Variants in PDCD6IP observed in about 807,000 individuals in gnomAD.
PDCD6IP encodes the protein programmed cell death 6 interacting protein.
Under a neutral mutation model 103.7 loss-of-function variants are expected in PDCD6IP, and 43 were observed. That is an observed-to-expected ratio of 0.41 (90% CI 0.32 to 0.53). The LOEUF (loss-of-function observed/expected upper bound fraction) is 0.53, where lower values mean the gene tolerates loss of function less well. Among genes scored for constraint, PDCD6IP ranks in the 20% least tolerant of loss-of-function variants. The probability of loss-of-function intolerance (pLI) is 0.16; values close to 1 mark genes in which losing one functional copy is unlikely to be tolerated. For missense variants in PDCD6IP, 871 were observed against 1,036.7 expected, an observed-to-expected ratio of 0.84 and a Z score of 2.20; for synonymous variants, 354 against 378.7, an observed-to-expected ratio of 0.93 and a Z score of 0.76.
chr3:33,869,234 G>C lies in PDCD6IP; in HGVS notation c.*2709G>C, dbSNP rs1481521670. Reference sequence around the variant, plus strand: ...AGGATAATTTGTTAAGTGGGTTTCAGTTTGCTAATAGGGATTTTTTGTGTT... The same window carrying C: ...AGGATAATTTGTTAAGTGGGTTTCACTTTGCTAATAGGGATTTTTTGTGTT... On this transcript the variant is annotated 3_prime_UTR_variant, in exon 18 of 18. Coordinates refer to ENST00000307296, the MANE Select transcript of PDCD6IP (RefSeq NM_013374.6). 1 of 152,178 alleles carries C rather than the reference G, an allele frequency of 6.6e-6. No individual in the cohort carries two copies. Among genetic ancestry groups the C allele is most frequent in the African/African-American group, 2.4e-5 (1 of 41,438 alleles). The allele number at this position is 152,178 out of a possible 1,614,324, so 9.4% of individuals were successfully genotyped here. A position where few individuals can be genotyped will look rare whatever the true frequency, so the allele number is the denominator to read the frequency against.
At chr3:33,856,472 TAGAG>T (rs79741291) in intron 15 of PDCD6IP, among the ~76,000 whole-genome samples, 44,684 of 151,740 alleles carry the variant, frequency 0.29, 6,796 homozygotes, top group East Asian at 0.41. Context: ...AAGAAAGAAT[TAGAG>T]AGAAAATGGG....
chr3:33,816,150 C>T (rs573664252), intron 3 of PDCD6IP, among the ~76,000 whole-genome samples: 55 of 152,252 alleles, frequency 3.6e-4, no homozygotes, highest in African/African-American at 1.2e-3. Flanking sequence ...GATGAAGATA[C>T]AGAGTGCCAG....
chr3:33,840,826 G>C (rs1697451429), intron 9 of PDCD6IP, among the ~76,000 whole-genome samples: 1 of 151,652 alleles, frequency 6.6e-6, no homozygotes, highest in Admixed American at 6.6e-5. Flanking sequence ...TCTGTTGAAA[G>C]AGAGCAAAAA....
intron 1 of PDCD6IP, among the ~76,000 whole-genome samples, chr3:33,805,917 T>C (rs1696586841): frequency 6.6e-6 from 1 of 151,936 alleles, no homozygotes; most frequent in African/African-American, 2.4e-5. Flanking sequence ...GCTAATTTTT[T>C]TGTGTTTTTA....
In PDCD6IP at chr3:33,865,297, C is replaced by T. The variant is rs1408078935; in HGVS notation, c.2299C>T (p.Arg767Ter). 1.3e-6 allele frequency: 2 copies of T among 1,592,738 alleles called. No homozygotes were observed. Among genetic ancestry groups the T allele is most frequent in the African/African-American group, 1.4e-5 (1 of 73,174 alleles). The change falls in exon 17 of 18, where the codon CGA (arginine) becomes TGA (stop). Residue 767 changes from arginine (R) to a stop codon, truncating the protein, a stop_gained. Transcript: ENST00000307296. LOFTEE classifies it high-confidence loss of function. ...TCCACCACCTGTGCTTCCAGCAAAT[C>T]GAGCTCCTTCTGCTACTGCTCCATC... ...RPPPPVLPANRAPSATAPSPV... is the reference protein window; with the variant it reads ...RPPPPVLPAN
rs149363685 is a variant in PDCD6IP, at chr3:33,810,419, A to G, written c.210-1653A>G. On this transcript the variant is annotated intron_variant, in intron 1 of 17. Transcript: ENST00000307296. ...ACTTCCTTAACTTTCTGGCATAGCA[A>G]GATGTTTTAGACTTGAATATTGAAT... Among the ~76,000 whole-genome samples, 23 of 152,230 alleles carry G rather than the reference A, an allele frequency of 1.5e-4. No homozygotes were observed. In the East Asian group the frequency reaches 4.4e-3, roughly 29 times the overall value.
At position 33,845,442 on chromosome 3, in the gene PDCD6IP, T is replaced by A. The variant is rs1379600434; in HGVS notation, c.1495T>A (p.Leu499Ile). The change falls in exon 12 of 18, where the codon TTA becomes ATA. Residue 499 changes from leucine (L) to isoleucine (I), a missense_variant. By Grantham distance (5) the Leu-to-Ile change is conservative (BLOSUM62 2). Around this residue, in one of 5 missense-constraint regions of PDCD6IP, gnomAD observed 266 missense variants for 390.5 expected, o/e 0.68. Coordinates refer to ENST00000307296, the MANE Select transcript of PDCD6IP (RefSeq NM_013374.6). ...RAEGTNFRTV[L>I]DKAVQADGQV... ...AGAGGGAACCAACTTCAGAACAGTT[T>A]TAGATAAAGCTGTGCAGGCAGATGG... 2.5e-6 allele frequency: 4 copies of A among 1,613,898 alleles called. No individual in the cohort carries two copies. The highest frequency in any genetic ancestry group is 3.4e-6 in the Non-Finnish European group (4 of 1,179,884).
chr3:33,866,274 G>A, intron 17 of PDCD6IP, 77 bp from the exon 18 acceptor site: 4 of 924,904 alleles, frequency 4.3e-6, no homozygotes, highest in South Asian at 2.5e-5. Flanking sequence ...CATGAAAAAC[G>A]TAGTTCTAGA....
chr3:33,866,328 AT>A, intron 17 of PDCD6IP, 22 bp from the exon 18 acceptor site: 1 of 1,402,564 alleles, frequency 7.1e-7, no homozygotes. Context: ...ACCAATCAAG[AT>A]TTTTCTGTTT....
chr3:33,818,870 A>G (rs1336176875), intron 3 of PDCD6IP, among the ~76,000 whole-genome samples: 1 of 151,888 alleles, frequency 6.6e-6, no homozygotes, highest in Non-Finnish European at 1.5e-5. Context: ...GATTTTTGTT[A>G]TTTTATAAGT....
chr3:33,819,399 CTTTA>C (rs930955474), intron 3 of PDCD6IP, among the ~76,000 whole-genome samples: 5 of 152,018 alleles, frequency 3.3e-5, no homozygotes, highest in African/African-American at 1.2e-4. Context: ...CTGGAATTGT[CTTTA>C]TTTATTTTGG....
intron 15 of PDCD6IP, among the ~76,000 whole-genome samples, chr3:33,861,428 A>G (rs1697951764): frequency 1.3e-5 from 2 of 152,194 alleles, no homozygotes; most frequent in African/African-American, 4.8e-5. Flanking sequence ...GGCGTGAGCC[A>G]CCGAGCCCGG....
chr3:33,838,118 A>T, intron 8 of PDCD6IP, 86 bp from the exon 9 acceptor site: 1 of 1,178,844 alleles, frequency 8.5e-7, no homozygotes, highest in Non-Finnish European at 1.2e-6. Context: ...GACTATGTGA[A>T]TATTGGAAAG....
intron 12 of PDCD6IP, among the ~76,000 whole-genome samples, chr3:33,851,212 A>G (rs568460826): frequency 1.7e-4 from 26 of 151,976 alleles, no homozygotes; most frequent in Non-Finnish European, 2.8e-4. Context: ...GGGTGGAGAC[A>G]GGGCTCGTGA....
chr3:33,847,156 T>C (rs1697610287), intron 12 of PDCD6IP, among the ~76,000 whole-genome samples: 1 of 152,222 alleles, frequency 6.6e-6, no homozygotes, highest in East Asian at 1.9e-4. Flanking sequence ...AGATTTCTGG[T>C]TAGTACTTTC....
At chr3:33,837,948 G>T (rs1697386828) in intron 8 of PDCD6IP, among the ~76,000 whole-genome samples, 1 of 152,182 alleles carries the variant, frequency 6.6e-6, no homozygotes, top group Non-Finnish European at 1.5e-5. Flanking sequence ...ACTCAGTGAT[G>T]AACACATCTG....
chr3:33,851,064 G>A (rs1019260904), intron 12 of PDCD6IP, among the ~76,000 whole-genome samples: 6 of 152,216 alleles, frequency 3.9e-5, no homozygotes, highest in Admixed American at 3.9e-4. Flanking sequence ...TCTTCACAAA[G>A]GGATGTTACT....
At chr3:33,844,636 A>G (rs994507301) in intron 11 of PDCD6IP, among the ~76,000 whole-genome samples, 6 of 152,088 alleles carry the variant, frequency 3.9e-5, no homozygotes, top group Non-Finnish European at 5.9e-5. Context: ...ATGTGCTACC[A>G]TGCCCGGCTG....
rs1696765551 is a variant in PDCD6IP at position 33,813,616 on chromosome 3, T to C, written c.322T>C (p.Ser108Pro). 2 of 1,590,288 alleles carry C rather than the reference T, an allele frequency of 1.3e-6. No individual in the cohort carries two copies. The highest frequency in any genetic ancestry group is 2.7e-5 in the African/African-American group (2 of 74,476). ...AFDKGSLFGG[S>P]VKLALASLGY... ...CGATAAAGGTTCACTTTTTGGAGGC[T>C]CTGTAAAACTGGGTATGTAATTTTT... The change falls in exon 3 of 18, where the codon TCT (serine) becomes CCT (proline). Residue 108 changes from serine to proline, a missense_variant. Ser to Pro is a moderately conservative substitution (Grantham distance 74). Around this residue, in one of 5 missense-constraint regions of PDCD6IP, gnomAD observed 47 missense variants for 83.7 expected, o/e 0.56. Coordinates refer to ENST00000307296, the MANE Select transcript of PDCD6IP (RefSeq NM_013374.6).
Sources: gnomAD v4.1 joint callset for allele counts (sites outside exome capture counted in the v4.1 genomes callset) on GRCh38, gnomAD v4.1.1 for gene constraint, gnomAD v4.1.1 regional missense constraint, MANE v1.5 for transcripts, NCBI Gene and HGNC (gene_info 2026-07-23, HGNC 2026-07-21) for gene names.